TARBP1: variants seen among roughly 807,000 people sequenced by gnomAD.
The protein encoded by TARBP1 is tRNA guanosine 2 -O-methyltransferase TARBP1.
In TARBP1, 144 loss-of-function variants were observed where a neutral mutation model predicts 178.6. The observed-to-expected ratio is 0.81, with a 90% CI of 0.70 to 0.93. The LOEUF is 0.93. TARBP1 is among the 40% of genes least tolerant of loss of function. TARBP1 has a pLI of 0.00. For synonymous variants in TARBP1, 787 were observed against 781.0 expected, an observed-to-expected ratio of 1.01 and a Z score of -0.13; for missense variants, 2,067 against 2,011.7, an observed-to-expected ratio of 1.03 and a Z score of -0.53.
chr1:234,460,287 C>T lies in TARBP1; in HGVS notation c.1509G>A (p.Leu503=), dbSNP rs1164134445. 1 of 1,614,004 alleles carries T rather than the reference C, an allele frequency of 6.2e-7. No individual in the cohort carries two copies. The highest frequency in any genetic ancestry group is 1.3e-5 in the African/African-American group (1 of 74,922). The change falls in exon 7 of 30, where the codon CTG becomes CTA. Residue 503 remains leucine (L), a synonymous_variant. Coordinates refer to ENST00000040877, the MANE Select transcript of TARBP1 (RefSeq NM_005646.4). ...ALANVPRHKA[L]GIDGLLALRD... is the part of the protein sequence containing the mutation. ...TGAGAGCAAGAAGCCCATCTATACC[C>T]AGGGCCTTATGTCTTGGGACATTTG...
At position 234,420,821 on chromosome 1, in the gene TARBP1, G is replaced by C; in HGVS notation, c.3445-9C>G. The C allele has an allele frequency of 6.9e-7, 1 of 1,453,848 alleles. No individual in the cohort carries two copies. Among genetic ancestry groups the C allele is most frequent in the Non-Finnish European group, 9.6e-7 (1 of 1,043,774 alleles). The allele number at this position is 1,453,848 out of a possible 1,614,324, so 90.1% of individuals were successfully genotyped here. ...TTGGACACTAATTCATCCTGGAAAG[G>C]AGAAGGGAGGGAGTCAACATTAAAT... On this transcript the variant is annotated splice_polypyrimidine_tract_variant and intron_variant, in intron 20 of 29. Transcript: ENST00000040877.
At position 234,425,571 on chromosome 1, in the gene TARBP1, C is replaced by T. The variant is rs543982803; in HGVS notation, c.3444+102G>A. ...CAGAACATAAACTTTGTGTTTTCTC[C>T]TGACAAAAGATATTTAGAAGTACAT... On this transcript the variant is annotated intron_variant, in intron 20 of 29. Coordinates refer to ENST00000040877, the MANE Select transcript of TARBP1 (RefSeq NM_005646.4). 1.3e-5 allele frequency: 16 copies of T among 1,268,566 alleles called. No individual in the cohort carries two copies. The South Asian group carries it at 1.3e-4, about 11-fold the overall frequency. 78.6% of individuals were successfully genotyped at this position (1,268,566 alleles called of 1,614,324 possible). A position where few individuals can be genotyped will look rare whatever the true frequency, so the allele number is the denominator to read the frequency against.
At chr1:234,398,202 T>A in intron 26 of TARBP1, 180 bp downstream of exon 26, 2 of 394,684 alleles carry the variant, frequency 5.1e-6, no homozygotes. Context: ...TAAGTTTCAC[T>A]AAAAGTGTTA....
In TARBP1 at chr1:234,479,099, T is replaced by C. The variant is rs773455556; in HGVS notation, c.5A>G (p.Glu2Gly). The change falls in exon 1 of 30, where the codon GAG becomes GGG. Residue 2 changes from glutamate to glycine, a missense_variant. Transcript: ENST00000040877. ...GAGCAGCGCTTCCGCGAGCACCCAC[T>C]CCATTTGCCGAGCGCCCGCGCCACC... M[E>G]WVLAEALLSQ... 15 of 1,530,730 alleles carry C rather than the reference T, an allele frequency of 9.8e-6. 1 individual carries two copies. The Admixed American group carries it at 2.9e-4, about 29-fold the overall frequency. The allele number at this position is 1,530,730 out of a possible 1,614,324, so 94.8% of individuals were successfully genotyped here. A position where few individuals can be genotyped will look rare whatever the true frequency, so the allele number is the denominator to read the frequency against.
intron 9 of TARBP1, 152 bp from the exon 10 acceptor site, chr1:234,450,718 C>T (rs1666660596): frequency 1.2e-6 from 1 of 846,478 alleles, no homozygotes; most frequent in Non-Finnish European, 1.8e-6. Context: ...TACTTGAGTT[C>T]CACAGACAGT....
Position 234,399,927 on chromosome 1 carries a change from C to A in TARBP1, c.4071+1254G>T, listed in dbSNP as rs1421544303. 3.3e-5 allele frequency among the ~76,000 whole-genome samples: 5 copies of A among 151,390 alleles called. 1 individual carries two copies. The South Asian group carries it at 1.0e-3, about 32-fold the overall frequency. ...GGGAGGGATAGCTTTAGGAGATATA[C>A]CTAATGCTAGATGACGAGTTGGTGG... On this transcript the variant is annotated intron_variant, in intron 25 of 29. Transcript: ENST00000040877.
chr1:234,452,298 T>C (rs1454297247), intron 9 of TARBP1, among the ~76,000 whole-genome samples: 3 of 152,156 alleles, frequency 2.0e-5, no homozygotes, highest in Non-Finnish European at 4.4e-5. Flanking sequence ...AGCCACAGAC[T>C]GGGAGAAAAT....
chr1:234,415,602 C>T (rs1237557919), intron 22 of TARBP1, among the ~76,000 whole-genome samples: 1 of 152,102 alleles, frequency 6.6e-6, no homozygotes, highest in African/African-American at 2.4e-5. Flanking sequence ...AAGAAGGCAC[C>T]TGACCCGGTT....
rs980836589 is a variant in TARBP1 at position 234,478,675 on chromosome 1, C to G, written c.429G>C (p.Val143=). The change falls in exon 1 of 30, where the codon GTG becomes GTC. Residue 143 remains valine, a synonymous_variant. Transcript: ENST00000040877. ...GCAAACATGGCCCGACGGCTGCTAG[C>G]ACTTCCACGGCAGCCTCGGCGCCAG... The part of the protein sequence containing the change: ...RAPGAEAAVE[V]LAAVGPCLRP... 2.4e-6 allele frequency: 3 copies of G among 1,245,678 alleles called. No individual in the cohort carries two copies. The highest frequency in any genetic ancestry group is 3.0e-6 in the Non-Finnish European group (3 of 993,838). The allele number at this position is 1,245,678 out of a possible 1,614,324, so 77.2% of individuals were successfully genotyped here. A position where few individuals can be genotyped will look rare whatever the true frequency, so the allele number is the denominator to read the frequency against.
At chr1:234,414,710 C>A (rs929459172) in intron 22 of TARBP1, among the ~76,000 whole-genome samples, 6 of 152,012 alleles carry the variant, frequency 3.9e-5, no homozygotes, top group African/African-American at 1.2e-4. Context: ...TAAGGCTGGG[C>A]GCGGTGGCTC....
At chr1:234,427,540 C>T in intron 18 of TARBP1, 36 bp downstream of exon 18, 1 of 1,559,916 alleles carries the variant, frequency 6.4e-7, no homozygotes, top group Non-Finnish European at 8.6e-7. Context: ...GCACTTAATA[C>T]AAGTTATGAC....
intron 20 of TARBP1, among the ~76,000 whole-genome samples, chr1:234,424,525 G>A (rs774864309): frequency 1.3e-5 from 2 of 152,066 alleles, no homozygotes; most frequent in Non-Finnish European, 2.9e-5. Context: ...AATCTTTCAC[G>A]GGCTCTCAAA....
chr1:234,442,020 G>A (rs550042205), intron 12 of TARBP1, among the ~76,000 whole-genome samples: 1 of 152,124 alleles, frequency 6.6e-6, no homozygotes, highest in South Asian at 2.1e-4. Flanking sequence ...AGGATACTCA[G>A]TCTCTCCAAC....
intron 10 of TARBP1, among the ~76,000 whole-genome samples, chr1:234,449,607 A>T (rs1157583442): frequency 6.6e-6 from 1 of 152,234 alleles, no homozygotes; most frequent in African/African-American, 2.4e-5. Context: ...ACACAGACAG[A>T]CCAAAAAAGA....
intron 12 of TARBP1, among the ~76,000 whole-genome samples, chr1:234,445,949 G>T (rs3768287): frequency 0.3 from 45,721 of 151,936 alleles, 7,085 homozygotes; most frequent in Admixed American, 0.41. Flanking sequence ...TCAGGACAGC[G>T]CCAATGAATT....
chr1:234,445,077 G>A lies in TARBP1; in HGVS notation c.2134+1726C>T, dbSNP rs568200646. On this transcript the variant is annotated intron_variant, in intron 12 of 29. Transcript: ENST00000040877. Reference sequence around the variant, plus strand: ...CCCACTACTGCCCCAAATTGCTTCCGTTGAGGTCGCCGCTGATTTCCATGT... The same window carrying A: ...CCCACTACTGCCCCAAATTGCTTCCATTGAGGTCGCCGCTGATTTCCATGT... Among the ~76,000 whole-genome samples the A allele has an allele frequency of 1.5e-4, 23 of 152,144 alleles. No individual in the cohort carries two copies. In the South Asian group the frequency reaches 3.5e-3, roughly 23 times the overall value.
intron 24 of TARBP1, among the ~76,000 whole-genome samples, chr1:234,403,888 A>G (rs1209550839): frequency 1.3e-5 from 2 of 152,098 alleles, no homozygotes; most frequent in African/African-American, 4.8e-5. Flanking sequence ...GGGTTTCACC[A>G]TGTTGGTCAG....
intron 12 of TARBP1, among the ~76,000 whole-genome samples, chr1:234,444,335 A>G (rs964004279): frequency 6.6e-6 from 1 of 152,246 alleles, no homozygotes; most frequent in Non-Finnish European, 1.5e-5. Context: ...TATTGTAACT[A>G]AAAGTATGTT....
At position 234,478,866 on chromosome 1, in the gene TARBP1, G is replaced by T; in HGVS notation, c.238C>A (p.Pro80Thr). The change falls in exon 1 of 30, where the codon CCC becomes ACC. Residue 80 changes from proline (P) to threonine (T), a missense_variant. Transcript: ENST00000040877. Reference protein sequence around the residue: ...VPLLRSLRGRPAGGPDPSLQP... With the variant: ...VPLLRSLRGRTAGGPDPSLQP... ...AGACTGGGGTCCGGGCCGCCCGCGG[G>T]GCGTCCGCGCAGGCTCCGCAGCAGT... 7.8e-7 allele frequency: 1 copy of T among 1,281,384 alleles called. No individual in the cohort carries two copies. The highest frequency in any genetic ancestry group is 1.6e-5 in the African/African-American group (1 of 63,900). The allele number at this position is 1,281,384 out of a possible 1,614,324, so 79.4% of individuals were successfully genotyped here. A position where few individuals can be genotyped will look rare whatever the true frequency, so the allele number is the denominator to read the frequency against.
Sources: gnomAD v4.1 joint callset for allele counts (sites outside exome capture counted in the v4.1 genomes callset) on GRCh38, gnomAD v4.1.1 for gene constraint, MANE v1.5 for transcripts, NCBI Gene and HGNC (gene_info 2026-07-23, HGNC 2026-07-21) for gene names.